Variants in ZRANB3 observed in about 807,000 individuals in gnomAD.
The protein encoded by ZRANB3 is DNA annealing helicase and endonuclease ZRANB3.
A neutral mutation model predicts 133.8 loss-of-function variants in ZRANB3; 125 were observed. The observed-to-expected ratio is 0.93, with a 90% CI of 0.81 to 1.08. The LOEUF (loss-of-function observed/expected upper bound fraction) is 1.08. Ranked by LOEUF, ZRANB3 falls within the 50% of genes least tolerant of loss-of-function variation. The pLI is 0.00. For synonymous variants in ZRANB3, 387 were observed against 432.7 expected (o/e 0.89, Z 1.31); for missense variants, 1,229 against 1,275.5 (o/e 0.96, Z 0.56).
At chr2:135,504,146 G>T in intron 2 of ZRANB3, 183 bp downstream of exon 2, 1 of 699,104 alleles carries the variant, frequency 1.4e-6, no homozygotes, top group Non-Finnish European at 2.5e-6. Context: ...AATCACAATT[G>T]GTTCAATATA....
intron 2 of ZRANB3, among the ~76,000 whole-genome samples, chr2:135,490,584 T>C (rs772268035): frequency 6.6e-6 from 1 of 152,170 alleles, no homozygotes; most frequent in Non-Finnish European, 1.5e-5. Context: ...GAAACCAATA[T>C]GGAGATTCCT....
chr2:135,456,686 A>G (rs1016297716), intron 2 of ZRANB3, among the ~76,000 whole-genome samples: 1 of 152,188 alleles, frequency 6.6e-6, no homozygotes, highest in Non-Finnish European at 1.5e-5. Context: ...TTACTGATTC[A>G]TCTGAAGTTA....
intron 2 of ZRANB3, among the ~76,000 whole-genome samples, chr2:135,402,201 T>C (rs1687762596): frequency 6.6e-6 from 1 of 152,130 alleles, no homozygotes; most frequent in Non-Finnish European, 1.5e-5. Flanking sequence ...CGAGGACTGC[T>C]CTAGAGTTAT....
chr2:135,426,032 A>T (rs1689049537), intron 2 of ZRANB3, among the ~76,000 whole-genome samples: 1 of 152,156 alleles, frequency 6.6e-6, no homozygotes, highest in South Asian at 2.1e-4. Flanking sequence ...CCACACATAC[A>T]CAAAAAACCC....
chr2:135,481,287 A>G (rs1477376645), intron 2 of ZRANB3, among the ~76,000 whole-genome samples: 9 of 150,948 alleles, frequency 6.0e-5, no homozygotes, highest in Non-Finnish European at 1.2e-4. Flanking sequence ...TTGTTTCCTG[A>G]CTTTTTAATG....
chr2:135,405,363 T>C (rs1023165096), intron 2 of ZRANB3, among the ~76,000 whole-genome samples: 1 of 151,960 alleles, frequency 6.6e-6, no homozygotes, highest in Non-Finnish European at 1.5e-5. Flanking sequence ...TCACACACAA[T>C]AAAAATGGGA....
At chr2:135,223,926 T>C (rs1329405953) in intron 15 of ZRANB3, among the ~76,000 whole-genome samples, 4 of 152,148 alleles carry the variant, frequency 2.6e-5, no homozygotes, top group African/African-American at 9.6e-5. Context: ...TTATGGAGAG[T>C]TCATATAGGC....
At chr2:135,263,117 C>T (rs1199861957) in intron 12 of ZRANB3, among the ~76,000 whole-genome samples, 1 of 151,988 alleles carries the variant, frequency 6.6e-6, no homozygotes, top group Non-Finnish European at 1.5e-5. Flanking sequence ...TTCTTCTCTC[C>T]CAGAGGTAAC....
intron 3 of ZRANB3, among the ~76,000 whole-genome samples, chr2:135,361,434 T>C (rs1228044283): frequency 6.6e-6 from 1 of 152,244 alleles, no homozygotes; most frequent in Non-Finnish European, 1.5e-5. Context: ...TCCTAAATGT[T>C]TTATTCTATG....
intron 1 of ZRANB3, chr2:135,510,682 T>G (rs1336033615): frequency 1.3e-6 from 1 of 791,136 alleles, no homozygotes; most frequent in Non-Finnish European, 2.3e-6. Flanking sequence ...ATCTCGTCAG[T>G]CCCCTTCCCT....
chr2:135,326,905 A>G (rs977843301), intron 6 of ZRANB3, among the ~76,000 whole-genome samples: 5 of 137,920 alleles, frequency 3.6e-5, no homozygotes, highest in Non-Finnish European at 7.4e-5. Context: ...TCTCAAAAAA[A>G]AAAAAAAAAA....
chr2:135,251,675 G>A (rs1679403046), intron 12 of ZRANB3, among the ~76,000 whole-genome samples: 1 of 152,158 alleles, frequency 6.6e-6, no homozygotes, highest in Non-Finnish European at 1.5e-5. Context: ...CAACATGTAA[G>A]AAGTGCCTTT....
chr2:135,323,269 T>C (rs1245973981), intron 6 of ZRANB3, among the ~76,000 whole-genome samples: 1 of 152,200 alleles, frequency 6.6e-6, no homozygotes, highest in African/African-American at 2.4e-5. Flanking sequence ...TGTTCTTATA[T>C]CAAATAATAG....
chr2:135,311,960 GTGGT>G (rs1433431198), intron 8 of ZRANB3, among the ~76,000 whole-genome samples: 1 of 151,996 alleles, frequency 6.6e-6, no homozygotes, highest in African/African-American at 2.4e-5. Flanking sequence ...AAGCATATCT[GTGGT>G]TGCCAAGGTA....
At chr2:135,284,887 C>T (rs545955089) in intron 8 of ZRANB3, among the ~76,000 whole-genome samples, 3 of 151,350 alleles carry the variant, frequency 2.0e-5, no homozygotes, top group African/African-American at 7.3e-5. Context: ...CTCTTGTTGC[C>T]TAGGCTGGAG....
chr2:135,221,795 CACT>C, intron 15 of ZRANB3, among the ~76,000 whole-genome samples: 1 of 152,144 alleles, frequency 6.6e-6, no homozygotes, highest in South Asian at 2.1e-4. Flanking sequence ...TCAGAGGCTC[CACT>C]TGGTAGACCA....
intron 2 of ZRANB3, among the ~76,000 whole-genome samples, chr2:135,459,750 C>T (rs1690683640): frequency 6.6e-6 from 1 of 151,946 alleles, no homozygotes; most frequent in Non-Finnish European, 1.5e-5. Context: ...GGGATCTATT[C>T]AGAATGACAA....
chr2:135,382,192 G>A (rs1367061600), intron 3 of ZRANB3, among the ~76,000 whole-genome samples: 3 of 152,168 alleles, frequency 2.0e-5, no homozygotes, highest in South Asian at 2.1e-4. Flanking sequence ...ACTACGTGAC[G>A]AATGCACAAG....
intron 8 of ZRANB3, among the ~76,000 whole-genome samples, chr2:135,298,179 G>C (rs1682243932): frequency 6.6e-6 from 1 of 152,176 alleles, no homozygotes; most frequent in East Asian, 1.9e-4. Context: ...AGTGAGCCAA[G>C]ATCGTACCAC....
Sources: gnomAD v4.1 joint callset for allele counts (sites outside exome capture counted in the v4.1 genomes callset) on GRCh38, gnomAD v4.1.1 for gene constraint, MANE v1.5 for transcripts, NCBI Gene and HGNC (gene_info 2026-07-23, HGNC 2026-07-21) for gene names.